The following ITPR1 variants were observed in gnomAD, a reference collection of about 807,000 sequenced individuals.
ITPR1 encodes inositol 1,4,5-trisphosphate-gated calcium channel ITPR1.
A neutral mutation model predicts 318.4 loss-of-function variants in ITPR1; 96 were observed. That is an observed-to-expected ratio of 0.30 (90% CI 0.26 to 0.36). The LOEUF (loss-of-function observed/expected upper bound fraction) is 0.36. Among genes scored for constraint, ITPR1 ranks in the 10% least tolerant of loss-of-function variants. ITPR1 has a pLI of 1.00. For missense variants in ITPR1, 2,440 were observed against 3,460.2 expected (o/e 0.71, Z 7.40); for synonymous variants, 1,312 against 1,289.9 (o/e 1.02, Z -0.37).
chr3:4,818,005 T>A (rs1367908843), intron 59 of ITPR1, 77 bp from the exon 60 acceptor site: 17 of 1,256,652 alleles, frequency 1.4e-5, no homozygotes, highest in Non-Finnish European at 1.7e-5. Flanking sequence ...CCCTTTCTAC[T>A]GACAGTTCTG....
chr3:4,836,217 G>A (rs996510832), intron 60 of ITPR1, among the ~76,000 whole-genome samples: 5 of 152,080 alleles, frequency 3.3e-5, no homozygotes, highest in Admixed American at 1.3e-4. Context: ...CAAATTCATG[G>A]AGACAGAAAA....
chr3:4,565,724 G>A (rs1424977409), intron 4 of ITPR1, among the ~76,000 whole-genome samples: 1 of 152,182 alleles, frequency 6.6e-6, no homozygotes, highest in African/African-American at 2.4e-5. Flanking sequence ...CAATTGAACA[G>A]CTGACTCTAT....
intron 34 of ITPR1, 128 bp downstream of exon 34, chr3:4,697,400 C>A: frequency 1.2e-6 from 1 of 829,658 alleles, no homozygotes; most frequent in Non-Finnish European, 1.7e-6. Context: ...CATTTCTACT[C>A]TAATCCGTGG....
chr3:4,640,417 C>T (rs565649391), intron 6 of ITPR1, among the ~76,000 whole-genome samples: 208 of 152,244 alleles, frequency 1.4e-3, no homozygotes, highest in African/African-American at 4.6e-3. Context: ...TCCTGCCAGT[C>T]CCACTCATGC....
chr3:4,532,916 C>T (rs976501810), intron 4 of ITPR1, among the ~76,000 whole-genome samples: 2 of 152,206 alleles, frequency 1.3e-5, no homozygotes, highest in Non-Finnish European at 2.9e-5. Context: ...TACTGAGTTT[C>T]CCCCGATTCA....
intron 54 of ITPR1, 137 bp downstream of exon 54, chr3:4,800,737 A>G (rs1391276601): frequency 8.0e-6 from 7 of 878,162 alleles, no homozygotes; most frequent in Non-Finnish European, 1.2e-5. Context: ...AATAGCCAGA[A>G]GCAGGGGATG....
rs182907412 is a variant in ITPR1 at position 4,779,831 on chromosome 3, C to T, written c.6387+186C>T. Among the ~76,000 whole-genome samples the T allele has an allele frequency of 2.7e-5, 4 of 148,172 alleles. No individual in the cohort carries two copies. The highest frequency in any genetic ancestry group is 7.4e-5 in the African/African-American group (3 of 40,536). ...ATATTTTGGTTGGTGCAAAAGTAAT[C>T]GCGGTTTTTGCTATTACTTTCAATG... is the stretch of plus-strand genomic sequence containing the variant. On this transcript the variant is annotated intron_variant, in intron 49 of 61. Transcript: ENST00000649015. This position sits in a 1 kb window ranked among gnomAD's most constrained non-coding sequence, Gnocchi z 4.0.
chr3:4,573,588 G>A (rs987067186), intron 4 of ITPR1, among the ~76,000 whole-genome samples: 1 of 152,190 alleles, frequency 6.6e-6, no homozygotes, highest in Non-Finnish European at 1.5e-5. Flanking sequence ...GGTTTATAAT[G>A]TCTTAAAAAT....
intron 4 of ITPR1, among the ~76,000 whole-genome samples, chr3:4,619,481 C>T (rs1029625394): frequency 6.6e-6 from 1 of 150,804 alleles, no homozygotes; most frequent in Non-Finnish European, 1.5e-5. Flanking sequence ...CTACCTCTCT[C>T]CTCACTCCTC....
chr3:4,513,377 A>G (rs890565288), intron 2 of ITPR1, among the ~76,000 whole-genome samples: 1 of 152,216 alleles, frequency 6.6e-6, no homozygotes, highest in Non-Finnish European at 1.5e-5. Flanking sequence ...TTCTAGCCAG[A>G]CCAGCAAGCT....
intron 59 of ITPR1, among the ~76,000 whole-genome samples, chr3:4,816,473 C>T (rs1179104409): frequency 6.6e-6 from 1 of 152,210 alleles, no homozygotes; most frequent in East Asian, 1.9e-4. Flanking sequence ...GTAACCTCCA[C>T]CTCCCAGGGT....
At chr3:4,516,429 G>T in intron 2 of ITPR1, 47 bp from the exon 3 acceptor site, 1 of 1,063,706 alleles carries the variant, frequency 9.4e-7, no homozygotes, top group South Asian at 1.6e-5. Context: ...TTCCCCTTCT[G>T]AACATTTCTT....
intron 18 of ITPR1, among the ~76,000 whole-genome samples, chr3:4,668,028 G>A (rs577434799): frequency 6.2e-4 from 95 of 152,032 alleles, no homozygotes; most frequent in African/African-American, 2.1e-3. Flanking sequence ...TGTAGAGAAT[G>A]GGGTATCCAT....
intron 44 of ITPR1, among the ~76,000 whole-genome samples, chr3:4,746,033 C>A (rs1469808755): frequency 6.6e-6 from 1 of 152,186 alleles, no homozygotes; most frequent in East Asian, 1.9e-4. Flanking sequence ...TTCAGAGTGG[C>A]CCAGCTGGGA....
At chr3:4,495,073 G>A (rs976607201) in intron 2 of ITPR1, among the ~76,000 whole-genome samples, 1 of 152,296 alleles carries the variant, frequency 6.6e-6, no homozygotes, top group African/African-American at 2.4e-5. Flanking sequence ...AATCTGGCAG[G>A]TCCCTGTTGT....
chr3:4,740,819 C>T (rs923353), intron 44 of ITPR1, among the ~76,000 whole-genome samples: 107,115 of 152,042 alleles, frequency 0.7, 38,217 homozygotes, highest in East Asian at 0.93. Flanking sequence ...TTTCCAGAAA[C>T]GGGTGACACG....
intron 4 of ITPR1, among the ~76,000 whole-genome samples, chr3:4,605,945 G>A (rs752368844): frequency 2.0e-5 from 3 of 152,210 alleles, no homozygotes; most frequent in South Asian, 2.1e-4. Flanking sequence ...AGAAGGGATC[G>A]TGGGGAGGAA....
chr3:4,760,870 A>C (rs2045391277), intron 44 of ITPR1, among the ~76,000 whole-genome samples: 1 of 152,148 alleles, frequency 6.6e-6, no homozygotes, highest in East Asian at 1.9e-4. Flanking sequence ...ATCCAAGCTC[A>C]TCTGTCTACT....
At chr3:4,517,925 G>A (rs748748780) in intron 3 of ITPR1, among the ~76,000 whole-genome samples, 4 of 152,196 alleles carry the variant, frequency 2.6e-5, no homozygotes. Context: ...TGTGTGCTAG[G>A]CACTATGCTA....
Sources: gnomAD v4.1 joint callset for allele counts (sites outside exome capture counted in the v4.1 genomes callset) on GRCh38, gnomAD v4.1.1 for gene constraint, Gnocchi (gnomAD v3.1) non-coding constraint, MANE v1.5 for transcripts, NCBI Gene and HGNC (gene_info 2026-07-23, HGNC 2026-07-21) for gene names.